The following ANK1 variants were observed in gnomAD, a reference collection of about 807,000 sequenced individuals.
ANK1 encodes the protein ankyrin-1.
ANK1 carries 51 observed loss-of-function variants against 210.4 expected under a neutral mutation model. The observed-to-expected ratio is 0.24, with a 90% CI of 0.19 to 0.31. ANK1 has a LOEUF of 0.31. ANK1 is among the 10% of genes least tolerant of loss of function. The pLI is 1.00. For synonymous variants in ANK1, 967 were observed against 1,025.9 expected (o/e 0.94, Z 1.10); for missense variants, 2,051 against 2,504.4 (o/e 0.82, Z 3.86).
intron 20 of ANK1, among the ~76,000 whole-genome samples, chr8:41,702,803 C>T (rs907247654): frequency 6.6e-6 from 1 of 152,098 alleles, no homozygotes; most frequent in African/African-American, 2.4e-5. Context: ...TTCTGCAACC[C>T]CATCTACAAT....
At chr8:41,726,060 C>A (rs1563579209) in intron 5 of ANK1, 114 bp from the exon 6 acceptor site, 4 of 1,185,080 alleles carry the variant, frequency 3.4e-6, no homozygotes, top group African/African-American at 1.5e-5. Flanking sequence ...GCCTGAGGGA[C>A]CTACCTCCAC....
chr8:41,677,394 T>C (rs1814512964), intron 37 of ANK1, among the ~76,000 whole-genome samples: 2 of 152,246 alleles, frequency 1.3e-5, no homozygotes, highest in South Asian at 4.1e-4. Flanking sequence ...TGATTTTGGG[T>C]TTAATTTACT....
In ANK1 at chr8:41,821,919, G is replaced by A. The variant is rs554085533; in HGVS notation, c.127-63782C>T. Among the ~76,000 whole-genome samples the A allele has an allele frequency of 3.7e-3, 556 of 152,036 alleles. 4 individuals are homozygous for A. Among genetic ancestry groups the A allele is most frequent in the African/African-American group, 0.013 (522 of 41,442 alleles). On this transcript the variant is annotated intron_variant, in intron 1 of 42. Coordinates refer to the ANK1 transcript ENST00000265709. ...AAAAATATTAGCCAGGCATGGTGGC[G>A]CACTCCTGTAATCCCAGCTACGCCG...
At chr8:41,663,069 C>T (rs1809028709) in intron 40 of ANK1, among the ~76,000 whole-genome samples, 1 of 151,524 alleles carries the variant, frequency 6.6e-6, no homozygotes, top group East Asian at 1.9e-4. Flanking sequence ...CATGCGCCAC[C>T]ATGCCTGGCT....
At chr8:41,758,297 G>GT (rs1397121098) in intron 1 of ANK1, among the ~76,000 whole-genome samples, 160 bp from the exon 2 acceptor site, 2 of 152,168 alleles carry the variant, frequency 1.3e-5, no homozygotes, top group Admixed American at 1.3e-4. Context: ...AGAGCCCCTG[G>GT]TTGGACTGCC....
At chr8:41,854,978 C>T (rs1284289189) in intron 1 of ANK1, among the ~76,000 whole-genome samples, 3 of 150,700 alleles carry the variant, frequency 2.0e-5, no homozygotes, top group South Asian at 2.1e-4. Flanking sequence ...AAAAGCAGAA[C>T]GCTGGTCCCT....
intron 18 of ANK1, among the ~76,000 whole-genome samples, chr8:41,705,822 C>G (rs1465446264): frequency 6.6e-6 from 1 of 152,342 alleles, no homozygotes; most frequent in African/African-American, 2.4e-5. Context: ...AGAAAAGGAG[C>G]TAAGCTTTTG....
intron 1 of ANK1, among the ~76,000 whole-genome samples, chr8:41,874,079 G>A (rs1816101721): frequency 6.6e-6 from 1 of 152,226 alleles, no homozygotes; most frequent in African/African-American, 2.4e-5. Flanking sequence ...TAAGTACTAA[G>A]AGACCTGCGG....
At chr8:41,859,515 T>A (rs1240605831) in intron 1 of ANK1, among the ~76,000 whole-genome samples, 2 of 152,110 alleles carry the variant, frequency 1.3e-5, no homozygotes, top group Admixed American at 6.5e-5. Flanking sequence ...CCTGACTAAT[T>A]TTTGTATTTT....
At chr8:41,719,610 C>T in intron 10 of ANK1, 51 bp downstream of exon 10, 1 of 1,611,148 alleles carries the variant, frequency 6.2e-7, no homozygotes, top group East Asian at 2.2e-5. Flanking sequence ...CTGCTCCTGC[C>T]CCCAGCCTGC....
chr8:41,829,285 G>C (rs1430783817), intron 1 of ANK1: 1 of 152,238 alleles, frequency 6.6e-6, no homozygotes, highest in Non-Finnish European at 1.5e-5. Flanking sequence ...CTTGTGGCTT[G>C]ATGAACTTAG....
chr8:41,728,814 C>T lies in ANK1; in HGVS notation c.229-808G>A. 1.3e-5 allele frequency among the ~76,000 whole-genome samples: 2 copies of T among 152,264 alleles called. 1 individual carries two copies. Among genetic ancestry groups the T allele is most frequent in the East Asian group, 3.8e-4 (2 of 5,204 alleles). Reference sequence around the variant, plus strand: ...CATCTAATCTGCTGTGTGCGTGCAGCGTCCTGTCCCCAGCAGACAGCGCGT... The same window carrying T: ...CATCTAATCTGCTGTGTGCGTGCAGTGTCCTGTCCCCAGCAGACAGCGCGT... On this transcript the variant is annotated intron_variant, in intron 3 of 42. Transcript: ENST00000289734.
intron 1 of ANK1, among the ~76,000 whole-genome samples, chr8:41,784,541 A>T (rs1221870041): frequency 6.6e-6 from 1 of 152,254 alleles, no homozygotes; most frequent in Non-Finnish European, 1.5e-5. Flanking sequence ...AAATTCACTG[A>T]CAAATATGAA....
At position 41,732,218 on chromosome 8, in the gene ANK1, T is replaced by G. The variant is rs149489081; in HGVS notation, c.228+1753A>C. On this transcript the variant is annotated intron_variant, in intron 3 of 42. Coordinates refer to ENST00000289734, the MANE Select transcript of ANK1 (RefSeq NM_000037.4). ...GTTCTCTGCTTGAGAGGCGGCAAAC[T>G]GTTTGCTGCATGGAACTGAAATTGA... Among the ~76,000 whole-genome samples, 888 of 152,210 alleles carry G rather than the reference T, an allele frequency of 5.8e-3. 8 individuals are homozygous for G. Among genetic ancestry groups the G allele is most frequent in the Non-Finnish European group, 9.8e-3 (667 of 68,006 alleles).
intron 39 of ANK1, chr8:41,664,741 C>T: frequency 6.8e-7 from 1 of 1,481,312 alleles, no homozygotes; most frequent in Non-Finnish European, 9.1e-7. Context: ...ACAGCAGCGT[C>T]CCCTCAGCCC....
At position 41,715,117 on chromosome 8, in the gene ANK1, G is replaced by A. The variant is rs372314705; in HGVS notation, c.1603-43C>T. 16 of 1,572,214 alleles carry A rather than the reference G, an allele frequency of 1.0e-5. No individual in the cohort carries two copies. In the African/African-American group the frequency reaches 1.8e-4, roughly 17 times the overall value. On this transcript the variant is annotated intron_variant, in intron 14 of 42. Coordinates refer to ENST00000289734, the MANE Select transcript of ANK1 (RefSeq NM_000037.4). ...GTCAGGACCTTGGGGCCCCAGGGCT[G>A]TCCTCCCTGGAGAAAGGGCCCACAG...
chr8:41,668,723 T>A (rs1811332326), intron 38 of ANK1, among the ~76,000 whole-genome samples, 159 bp from the exon 39 acceptor site: 1 of 152,166 alleles, frequency 6.6e-6, no homozygotes, highest in South Asian at 2.1e-4. Context: ...CAGGGGCGCA[T>A]GAGCACATTG....
intron 3 of ANK1, among the ~76,000 whole-genome samples, chr8:41,730,356 G>A (rs1180116991): frequency 9.2e-5 from 14 of 152,164 alleles, no homozygotes; most frequent in Admixed American, 8.5e-4. Flanking sequence ...GGTAATCCTG[G>A]CACTTTGGGA....
intron 16 of ANK1, among the ~76,000 whole-genome samples, chr8:41,711,831 G>A (rs1826211759): frequency 6.6e-6 from 1 of 152,196 alleles, no homozygotes; most frequent in African/African-American, 2.4e-5. Flanking sequence ...GTTGCCCAGG[G>A]CCATGGTTAT....
Sources: gnomAD v4.1 joint callset for allele counts (sites outside exome capture counted in the v4.1 genomes callset) on GRCh38, gnomAD v4.1.1 for gene constraint, MANE v1.5 for transcripts, NCBI Gene and HGNC (gene_info 2026-07-23, HGNC 2026-07-21) for gene names.